GRIK3: variants seen among roughly 807,000 people sequenced by gnomAD.
The protein encoded by GRIK3 is glutamate receptor ionotropic, kainate 3.
A neutral mutation model predicts 102.5 loss-of-function variants in GRIK3; 29 were observed. The ratio of observed to expected loss-of-function variants is 0.28; its 90% CI spans 0.21 to 0.39. The LOEUF is 0.39. GRIK3 is among the 10% of genes least tolerant of loss of function. The probability of loss-of-function intolerance (pLI) is 1.00; values close to 1 mark genes in which losing one functional copy is unlikely to be tolerated. For synonymous variants in GRIK3, 511 were observed against 504.9 expected (o/e 1.01, Z -0.16); for missense variants, 908 against 1,252.4 (o/e 0.73, Z 4.15).
At chr1:36,918,066 T>C (rs1458900466) in intron 1 of GRIK3, among the ~76,000 whole-genome samples, 1 of 152,226 alleles carries the variant, frequency 6.6e-6, no homozygotes, top group African/African-American at 2.4e-5. Context: ...TTTAAAAATA[T>C]AGGTTTAAAG....
At chr1:36,986,593 C>T (rs1642309945) in intron 1 of GRIK3, among the ~76,000 whole-genome samples, 1 of 152,206 alleles carries the variant, frequency 6.6e-6, no homozygotes, top group Non-Finnish European at 1.5e-5. Flanking sequence ...CAATCTCTAC[C>T]CTCAAGGAGC....
At chr1:36,955,534 C>A (rs1570820737) in intron 1 of GRIK3, among the ~76,000 whole-genome samples, 2 of 152,164 alleles carry the variant, frequency 1.3e-5, no homozygotes. Flanking sequence ...CATACCCCCG[C>A]CCCCGGAGAA....
rs556226037 is a variant in GRIK3 at position 36,921,798 on chromosome 1, G to C, written c.116-30702C>G. Among the ~76,000 whole-genome samples the C allele has an allele frequency of 1.1e-4, 17 of 152,200 alleles. No homozygotes were observed. In the South Asian group the frequency reaches 1.7e-3, roughly 15 times the overall value. ...ATGAAATCAAAGCAGACCAAGGCAG[G>C]AGAAGGAGTTTCCACTGAGGACCTG... On this transcript the variant is annotated intron_variant, in intron 1 of 15. Coordinates refer to ENST00000373091, the MANE Select transcript of GRIK3 (RefSeq NM_000831.4).
chr1:36,885,396 T>C (rs1235403976), intron 2 of GRIK3, among the ~76,000 whole-genome samples: 1 of 151,642 alleles, frequency 6.6e-6, no homozygotes, highest in Non-Finnish European at 1.5e-5. Context: ...ACAGTGGGGG[T>C]AGTGTTGGTG....
chr1:36,981,809 G>A lies in GRIK3; in HGVS notation c.115+52185C>T, dbSNP rs146345041. Among the ~76,000 whole-genome samples, 552 of 152,342 alleles carry A rather than the reference G, an allele frequency of 3.6e-3. 3 individuals are homozygous for A. Among genetic ancestry groups the A allele is most frequent in the South Asian group, 0.01 (49 of 4,834 alleles). On this transcript the variant is annotated intron_variant, in intron 1 of 15. Transcript: ENST00000373091. Reference sequence around the variant, plus strand: ...GAGCACCTACTGTGTACCAGGCACTGTTCTGGGCATTGCAGATAGGACAGC... The same window carrying A: ...GAGCACCTACTGTGTACCAGGCACTATTCTGGGCATTGCAGATAGGACAGC...
chr1:36,803,752 G>A (rs571074595), intron 15 of GRIK3, among the ~76,000 whole-genome samples: 4 of 152,244 alleles, frequency 2.6e-5, no homozygotes, highest in African/African-American at 7.2e-5. Flanking sequence ...AACTGTAATG[G>A]GAATTCTCAG....
In GRIK3 at chr1:36,990,623, G is replaced by A. The variant is rs530500862; in HGVS notation, c.115+43371C>T. 3.3e-5 allele frequency among the ~76,000 whole-genome samples: 5 copies of A among 152,298 alleles called. No homozygotes were observed. In the East Asian group the frequency reaches 9.7e-4, roughly 29 times the overall value. Reference sequence around the variant, plus strand: ...CCTGGGCTGGGACTCAACTTGAGAAGGAGAAAAATAAAACTTATTCTATTT... The same window carrying A: ...CCTGGGCTGGGACTCAACTTGAGAAAGAGAAAAATAAAACTTATTCTATTT... On this transcript the variant is annotated intron_variant, in intron 1 of 15. Transcript: ENST00000373091.
intron 1 of GRIK3, among the ~76,000 whole-genome samples, chr1:36,894,147 T>C (rs539949082): frequency 3.9e-5 from 6 of 152,300 alleles, no homozygotes; most frequent in Non-Finnish European, 8.8e-5. Context: ...CCAGTAAGAA[T>C]CCCCGTGCCC....
At chr1:37,019,420 T>C (rs1365819448) in intron 1 of GRIK3, among the ~76,000 whole-genome samples, 5 of 152,084 alleles carry the variant, frequency 3.3e-5, no homozygotes, top group African/African-American at 9.7e-5. Context: ...TCTCTTCATC[T>C]CTCTGAGCCT....
chr1:36,820,577 T>C (rs975186112), intron 11 of GRIK3, among the ~76,000 whole-genome samples: 3 of 152,230 alleles, frequency 2.0e-5, no homozygotes, highest in African/African-American at 7.2e-5. Context: ...CAGGAGCCTA[T>C]TGCTCTATCT....
At chr1:36,970,525 C>G (rs1642129900) in intron 1 of GRIK3, among the ~76,000 whole-genome samples, 1 of 152,204 alleles carries the variant, frequency 6.6e-6, no homozygotes, top group Admixed American at 6.5e-5. Context: ...AAAAATTGTA[C>G]TCAGTAAATA....
chr1:36,837,355 C>A (rs1640391573), intron 10 of GRIK3, among the ~76,000 whole-genome samples: 1 of 152,148 alleles, frequency 6.6e-6, no homozygotes, highest in Non-Finnish European at 1.5e-5. Context: ...AGCAGGACAC[C>A]ATCACCTCCT....
intron 1 of GRIK3, among the ~76,000 whole-genome samples, chr1:37,028,304 C>G (rs991097127): frequency 1.3e-5 from 2 of 152,004 alleles, no homozygotes; most frequent in Non-Finnish European, 2.9e-5. Flanking sequence ...ACTACAGACC[C>G]CAGAACAGTG....
At chr1:36,812,674 C>T (rs972487994) in intron 13 of GRIK3, among the ~76,000 whole-genome samples, 1 of 151,994 alleles carries the variant, frequency 6.6e-6, no homozygotes, top group Admixed American at 6.5e-5. Context: ...GGCGAGGGAT[C>T]GAGAGCCCCC....
chr1:37,018,200 T>A (rs1642673857), intron 1 of GRIK3, among the ~76,000 whole-genome samples: 1 of 152,190 alleles, frequency 6.6e-6, no homozygotes, highest in South Asian at 2.1e-4. Flanking sequence ...GCAAAACTCA[T>A]CGTCTCAGTG....
chr1:36,869,222 G>T (rs536868370), intron 5 of GRIK3, among the ~76,000 whole-genome samples: 1 of 152,280 alleles, frequency 6.6e-6, no homozygotes, highest in Non-Finnish European at 1.5e-5. Flanking sequence ...AGGTGGGCTG[G>T]GCTAGCTGAC....
chr1:36,839,607 G>A (rs504939), intron 10 of GRIK3, among the ~76,000 whole-genome samples: 148,779 of 152,292 alleles, frequency 0.98, 72,708 homozygotes, highest in Middle Eastern at 1. Flanking sequence ...ACACTATGTT[G>A]ACTTAGTCCT....
Position 36,810,188 on chromosome 1 carries a change from G to T in GRIK3, c.2092-3862C>A, listed in dbSNP as rs539330031. Among the ~76,000 whole-genome samples the T allele has an allele frequency of 3.3e-5, 5 of 152,214 alleles. No individual in the cohort carries two copies. In the South Asian group the frequency reaches 1.0e-3, roughly 32 times the overall value. The stretch of plus-strand genomic sequence containing the variant: ...TCCAGAGCCCTTCATGGACTCTCAG[G>T]TCCCTCTCTCCCATCTCTGGGAGAG... On this transcript the variant is annotated intron_variant, in intron 13 of 15. Coordinates refer to ENST00000373091, the MANE Select transcript of GRIK3 (RefSeq NM_000831.4).
At chr1:36,848,140 C>T (rs909709123) in intron 9 of GRIK3, among the ~76,000 whole-genome samples, 2 of 152,202 alleles carry the variant, frequency 1.3e-5, no homozygotes, top group Non-Finnish European at 2.9e-5. Context: ...GCAAAAATCC[C>T]CTGTGCCCCT....
Sources: gnomAD v4.1 joint callset for allele counts (sites outside exome capture counted in the v4.1 genomes callset) on GRCh38, gnomAD v4.1.1 for gene constraint, MANE v1.5 for transcripts, NCBI Gene and HGNC (gene_info 2026-07-23, HGNC 2026-07-21) for gene names.